Variants in RBM20 observed in about 807,000 individuals in gnomAD.
RBM20 encodes RNA-binding protein 20.
In RBM20, 51 loss-of-function variants were observed where a neutral mutation model predicts 110.1. That is an observed-to-expected ratio of 0.46 (90% CI 0.37 to 0.59). The LOEUF is 0.59. RBM20 is among the 20% of genes least tolerant of loss of function. The pLI, the probability that RBM20 is intolerant of heterozygous loss-of-function variation, is 0.00. For missense variants in RBM20, 1,512 were observed against 1,574.9 expected (o/e 0.96, Z 0.68); for synonymous variants, 589 against 618.2 (o/e 0.95, Z 0.70).
intron 5 of RBM20, among the ~76,000 whole-genome samples, chr10:110,792,731 G>A (rs532650531): frequency 1.1e-4 from 17 of 152,302 alleles, no homozygotes; most frequent in African/African-American, 2.9e-4. Flanking sequence ...TCTAGCCACC[G>A]TGGCAGCAGA....
chr10:110,804,610 A>C (rs1214495521), intron 7 of RBM20, among the ~76,000 whole-genome samples: 1 of 152,196 alleles, frequency 6.6e-6, no homozygotes, highest in Non-Finnish European at 1.5e-5. Context: ...TTGAGGCAGA[A>C]CCTTTCACAT....
chr10:110,698,032 C>T (rs534391247), intron 1 of RBM20, among the ~76,000 whole-genome samples: 2 of 151,982 alleles, frequency 1.3e-5, no homozygotes, highest in African/African-American at 4.8e-5. Flanking sequence ...CTCAGCCTCC[C>T]GAGTAGCTGG....
At chr10:110,808,941 G>T (rs865874968) in intron 7 of RBM20, among the ~76,000 whole-genome samples, 2 of 152,088 alleles carry the variant, frequency 1.3e-5, no homozygotes, top group African/African-American at 4.8e-5. Flanking sequence ...TTAGCTGGGC[G>T]TGGTGGTTCA....
chr10:110,794,893 G>T (rs1304769404), intron 5 of RBM20, among the ~76,000 whole-genome samples: 2 of 152,230 alleles, frequency 1.3e-5, no homozygotes, highest in Non-Finnish European at 2.9e-5. Flanking sequence ...CAGTTGCTGT[G>T]CTATGTTCCA....
intron 1 of RBM20, among the ~76,000 whole-genome samples, chr10:110,706,319 A>G (rs1862837668): frequency 6.6e-6 from 1 of 152,130 alleles, no homozygotes; most frequent in South Asian, 2.1e-4. Flanking sequence ...AAGTGTCTGG[A>G]GTGGCATTGG....
At chr10:110,782,650 C>T (rs1844369259) in intron 2 of RBM20, among the ~76,000 whole-genome samples, 2 of 152,178 alleles carry the variant, frequency 1.3e-5, no homozygotes, top group African/African-American at 4.8e-5. Flanking sequence ...GCCCCTTCTC[C>T]CCGCCACCTC....
intron 12 of RBM20, among the ~76,000 whole-genome samples, chr10:110,825,829 A>G (rs759915471): frequency 3.9e-5 from 6 of 152,102 alleles, no homozygotes; most frequent in South Asian, 2.1e-4. Context: ...CTCTCAAAAC[A>G]CCTATGAGGT....
Position 110,836,726 on chromosome 10 carries a change from A to T in RBM20, c.*748A>T, listed in dbSNP as rs1185237604. On this transcript the variant is annotated 3_prime_UTR_variant, in exon 14 of 14. Coordinates refer to ENST00000369519, the MANE Select transcript of RBM20 (RefSeq NM_001134363.3). ...AGAGCCCTTCATTTTGGAAGCTCTG[A>T]TAAGTTTCCTCCAAACTTATTCCCC... 6 of 152,240 alleles carry T rather than the reference A, an allele frequency of 3.9e-5. No homozygotes were observed. Among genetic ancestry groups the T allele is most frequent in the Admixed American group, 3.3e-4 (5 of 15,290 alleles). 9.4% of individuals were successfully genotyped at this position (152,240 alleles called of 1,614,324 possible). A position where few individuals can be genotyped will look rare whatever the true frequency, so the allele number is the denominator to read the frequency against.
At position 110,816,742 on chromosome 10, in the gene RBM20, G is replaced by A. The variant is rs138503185; in HGVS notation, c.2551-3330G>A. On this transcript the variant is annotated intron_variant, in intron 9 of 13. Coordinates refer to ENST00000369519, the MANE Select transcript of RBM20 (RefSeq NM_001134363.3). ...GCTTGGCACAGAGCAGGTGTCCAGT[G>A]AGTACCTGTTGAAGGTATGAAGGTT... Among the ~76,000 whole-genome samples the A allele has an allele frequency of 5.4e-4, 82 of 152,292 alleles. 1 individual carries two copies. Among genetic ancestry groups the A allele is most frequent in the African/African-American group, 1.9e-3 (80 of 41,558 alleles).
chr10:110,775,761 C>T (rs1224797611), intron 1 of RBM20, among the ~76,000 whole-genome samples: 1 of 152,142 alleles, frequency 6.6e-6, no homozygotes, highest in Non-Finnish European at 1.5e-5. Context: ...AGACAGGAAC[C>T]GTCTTTAAAA....
intron 3 of RBM20, 113 bp from the exon 4 acceptor site, chr10:110,784,228 C>T: frequency 1.4e-6 from 1 of 725,596 alleles, no homozygotes; most frequent in Non-Finnish European, 2.4e-6. Context: ...TTTGTTTGAA[C>T]ACCTGTTTTC....
At position 110,781,333 on chromosome 10, in the gene RBM20, C is replaced by T. The variant is rs767819624; in HGVS notation, c.724C>T (p.Pro242Ser). ...GKASSGQTYG[P>S]ETDGQPGFLP... is the part of the protein sequence containing the mutation. ...AGCCAGCTCTGGCCAGACATATGGCCCTGAAACAGATGGTCAGCCTGGCTT... is the reference window on the plus strand; with the variant it reads ...AGCCAGCTCTGGCCAGACATATGGCTCTGAAACAGATGGTCAGCCTGGCTT... Residue 242 changes from proline (P) to serine (S), a missense_variant, in exon 2 of 14, where the codon CCT becomes TCT. Physicochemically the swap from Pro to Ser is moderately conservative, Grantham distance 74. Around this residue, in one of 3 missense-constraint regions of RBM20, gnomAD observed 1,149 missense variants for 1,169.4 expected, o/e 0.98. Transcript: ENST00000369519. 1.9e-6 allele frequency: 3 copies of T among 1,551,576 alleles called. No homozygotes were observed. Among genetic ancestry groups the T allele is most frequent in the South Asian group, 1.2e-5 (1 of 84,072 alleles).
chr10:110,765,613 C>T (rs577764562), intron 1 of RBM20, among the ~76,000 whole-genome samples: 2 of 152,264 alleles, frequency 1.3e-5, no homozygotes, highest in South Asian at 4.1e-4. Context: ...GACTCAAGCA[C>T]AACCAAACAT....
intron 7 of RBM20, among the ~76,000 whole-genome samples, chr10:110,804,108 A>G (rs1844666574): frequency 6.6e-6 from 1 of 152,076 alleles, no homozygotes; most frequent in South Asian, 2.1e-4. Context: ...TTTTTCCTAG[A>G]AGCTCCCACA....
chr10:110,731,556 G>A (rs1251066744), intron 1 of RBM20, among the ~76,000 whole-genome samples: 1 of 152,144 alleles, frequency 6.6e-6, no homozygotes, highest in African/African-American at 2.4e-5. Flanking sequence ...ATCTGCCTTA[G>A]TTACAATTCT....
intron 12 of RBM20, 73 bp downstream of exon 12, chr10:110,823,687 T>G (rs772662437): frequency 6.7e-7 from 1 of 1,483,714 alleles, no homozygotes; most frequent in East Asian, 2.5e-5. Context: ...CTCAAGAGCT[T>G]GAGAGAGCTT....
In RBM20 at chr10:110,837,153, T is replaced by C. The variant is rs1162502582; in HGVS notation, c.*1175T>C. The C allele has an allele frequency of 6.6e-6, 1 of 152,220 alleles. No homozygotes were observed. The highest frequency in any genetic ancestry group is 1.5e-5 in the Non-Finnish European group (1 of 68,054). The allele number at this position is 152,220 out of a possible 1,614,324, so 9.4% of individuals were successfully genotyped here. A position where few individuals can be genotyped will look rare whatever the true frequency, so the allele number is the denominator to read the frequency against. ...TTGAAGTTTGCTGGGTGTCTGTAGGTGGACCCTTTCCAGCTGGGCAGATAG... is the reference window on the plus strand; with the variant it reads ...TTGAAGTTTGCTGGGTGTCTGTAGGCGGACCCTTTCCAGCTGGGCAGATAG... On this transcript the variant is annotated 3_prime_UTR_variant, in exon 14 of 14. Coordinates refer to ENST00000369519, the MANE Select transcript of RBM20 (RefSeq NM_001134363.3).
Position 110,812,739 on chromosome 10 carries a change from G to A in RBM20, c.2342G>A (p.Arg781Lys), listed in dbSNP as rs1844789561. Residue 781 changes from arginine to lysine, a missense_variant, in exon 9 of 14, where the codon AGG becomes AAG. Arg to Lys is a conservative substitution (Grantham distance 26). Around this residue, in one of 3 missense-constraint regions of RBM20, gnomAD observed 1,149 missense variants for 1,169.4 expected, o/e 0.98. Transcript: ENST00000369519. The part of the protein sequence containing the change: ...YLKQQQDAPG[R>K]SRRKDEARLR... ...AAGCAGCAGCAGGATGCCCCCGGGA[G>A]GTCCAGGAGGAAAGACGAGGCCAGG... 1 of 1,551,772 alleles carries A rather than the reference G, an allele frequency of 6.4e-7. No homozygotes were observed. Among genetic ancestry groups the A allele is most frequent in the South Asian group, 1.2e-5 (1 of 84,062 alleles).
chr10:110,778,682 C>T (rs1230657226), intron 1 of RBM20, among the ~76,000 whole-genome samples: 2 of 152,232 alleles, frequency 1.3e-5, no homozygotes, highest in Non-Finnish European at 2.9e-5. Context: ...AATTCCAGTT[C>T]ATCAACATCC....
Sources: gnomAD v4.1 joint callset for allele counts (sites outside exome capture counted in the v4.1 genomes callset) on GRCh38, gnomAD v4.1.1 for gene constraint, gnomAD v4.1.1 regional missense constraint, MANE v1.5 for transcripts, NCBI Gene and HGNC (gene_info 2026-07-23, HGNC 2026-07-21) for gene names.